Variants in FYB1 observed in about 807,000 individuals in gnomAD.
FYB1 encodes FYN binding protein 1.
Under a neutral mutation model 94.1 loss-of-function variants are expected in FYB1, and 41 were observed. The observed-to-expected ratio is 0.44, with a 90% CI of 0.34 to 0.57. FYB1 has a LOEUF of 0.57. FYB1 is among the 20% of genes least tolerant of loss of function. The probability of loss-of-function intolerance (pLI) is 0.02; values close to 1 mark genes in which losing one functional copy is unlikely to be tolerated. For missense variants in FYB1, 1,050 were observed against 976.8 expected, an observed-to-expected ratio of 1.07 and a Z score of -1.00; for synonymous variants, 367 against 353.2, an observed-to-expected ratio of 1.04 and a Z score of -0.44.
At chr5:39,161,211 C>T (rs1168251688) in intron 2 of FYB1, among the ~76,000 whole-genome samples, 3 of 152,194 alleles carry the variant, frequency 2.0e-5, no homozygotes, top group Admixed American at 6.5e-5. Flanking sequence ...TCAACACCTG[C>T]GTATGCCCTA....
Position 39,106,346 on chromosome 5 carries a change from T to C in FYB1, c.*1097A>G, listed in dbSNP as rs1334968453. ...CTTAATATCTTCTTTTCTTGGGTGTTAGCATTTTTCATTTTTTAAATCATG... is the reference window on the plus strand; with the variant it reads ...CTTAATATCTTCTTTTCTTGGGTGTCAGCATTTTTCATTTTTTAAATCATG... On this transcript the variant is annotated 3_prime_UTR_variant, in exon 19 of 19. Transcript: ENST00000512982. 2 of 152,160 alleles carry C rather than the reference T, an allele frequency of 1.3e-5. No individual in the cohort carries two copies. The highest frequency in any genetic ancestry group is 4.8e-5 in the African/African-American group (2 of 41,454). 9.4% of individuals were successfully genotyped at this position (152,160 alleles called of 1,614,324 possible).
At chr5:39,152,138 C>T (rs10035315) in intron 3 of FYB1, among the ~76,000 whole-genome samples, 149,068 of 152,302 alleles carry the variant, frequency 0.98, 73,016 homozygotes, top group Non-Finnish European at 1. Context: ...AGGCTTTAAA[C>T]TGACATCCAT....
chr5:39,172,385 G>T, intron 2 of FYB1, among the ~76,000 whole-genome samples: 1 of 152,090 alleles, frequency 6.6e-6, no homozygotes, highest in Non-Finnish European at 1.5e-5. Flanking sequence ...GGCAGAGGTT[G>T]CAGTGAGCCG....
intron 1 of FYB1, among the ~76,000 whole-genome samples, chr5:39,273,175 A>G (rs1752713403): frequency 6.6e-6 from 1 of 152,202 alleles, no homozygotes; most frequent in Non-Finnish European, 1.5e-5. Flanking sequence ...GGCCATGATG[A>G]CAATGGCGGT....
In FYB1 at chr5:39,153,350, A is replaced by G. The variant is rs527278289; in HGVS notation, c.1292+98T>C. Reference sequence around the variant, plus strand: ...GCCAGCTGCCCACTTTTGTAGACCCAGAAGTTTCCCATGGAACTCTCAGCA... The same window carrying G: ...GCCAGCTGCCCACTTTTGTAGACCCGGAAGTTTCCCATGGAACTCTCAGCA... On this transcript the variant is annotated intron_variant, in intron 3 of 18. Transcript: ENST00000512982. 8.2e-6 allele frequency: 12 copies of G among 1,472,144 alleles called. No homozygotes were observed. In the East Asian group the frequency reaches 2.3e-4, roughly 28 times the overall value. 91.2% of individuals were successfully genotyped at this position (1,472,144 alleles called of 1,614,324 possible).
Position 39,153,511 on chromosome 5 carries a change from T to C in FYB1, c.1229A>G (p.His410Arg). Reference sequence around the variant, plus strand: ...GCTTGGGACTGGTGGTTGTGATGGGTGAGATGCTGGCAATGGTGGTTGGCT... The same window carrying C: ...GCTTGGGACTGGTGGTTGTGATGGGCGAGATGCTGGCAATGGTGGTTGGCT... ...PASQPPLPAS[H>R]PSQPPVPSLP... Residue 410 changes from histidine to arginine, a missense_variant, in exon 3 of 19, where the codon CAC (histidine) becomes CGC (arginine). Physicochemically the swap from His to Arg is conservative, Grantham distance 29 (BLOSUM62 0). Coordinates refer to ENST00000512982, the MANE Select transcript of FYB1 (RefSeq NM_001465.6). 1 of 1,613,716 alleles carries C rather than the reference T, an allele frequency of 6.2e-7. No individual in the cohort carries two copies. The highest frequency in any genetic ancestry group is 8.5e-7 in the Non-Finnish European group (1 of 1,179,796).
At chr5:39,267,228 C>A (rs1752471272) in intron 1 of FYB1, among the ~76,000 whole-genome samples, 1 of 152,178 alleles carries the variant, frequency 6.6e-6, no homozygotes, top group Non-Finnish European at 1.5e-5. Context: ...TCTATGCATA[C>A]TTTGGAAACT....
At chr5:39,120,164 A>T (rs1420277447) in intron 14 of FYB1, among the ~76,000 whole-genome samples, 1 of 152,088 alleles carries the variant, frequency 6.6e-6, no homozygotes, top group Non-Finnish European at 1.5e-5. Context: ...TAGATATTAT[A>T]AGAAGGAGCT....
chr5:39,192,596 C>CA lies in FYB1; in HGVS notation c.1135+9229dup, dbSNP rs539838095. On this transcript the variant is annotated intron_variant, in intron 2 of 18. Transcript: ENST00000512982. ...GCAGGAAGAGTTCTTATAACAAGGG[C>CA]AAATCATGGCATATTGCCCTAAGCT... 1.7e-3 allele frequency among the ~76,000 whole-genome samples: 253 copies of CA among 152,068 alleles called. 2 individuals carry two copies. In the South Asian group the frequency reaches 0.023, roughly 14 times the overall value.
At chr5:39,134,391 TA>T in intron 8 of FYB1, 42 bp from the exon 9 acceptor site, 2 of 1,462,850 alleles carry the variant, frequency 1.4e-6, no homozygotes, top group Non-Finnish European at 9.3e-7. Flanking sequence ...AACTGTAGTT[TA>T]AATATTTTAA....
At position 39,107,315 on chromosome 5, in the gene FYB1, G is replaced by T; in HGVS notation, c.*128C>A. The T allele has an allele frequency of 1.8e-6, 1 of 544,880 alleles. No homozygotes were observed. The highest frequency in any genetic ancestry group is 3.1e-6 in the Non-Finnish European group (1 of 317,868). 33.8% of individuals were successfully genotyped at this position (544,880 alleles called of 1,614,324 possible). A position where few individuals can be genotyped will look rare whatever the true frequency, so the allele number is the denominator to read the frequency against. On this transcript the variant is annotated 3_prime_UTR_variant, in exon 19 of 19. Coordinates refer to ENST00000512982, the MANE Select transcript of FYB1 (RefSeq NM_001465.6). ...TTTAAACACTTTGTAAAGATAATTGGGATTTCATAACAAATGATAATAAGT... is the reference window on the plus strand; with the variant it reads ...TTTAAACACTTTGTAAAGATAATTGTGATTTCATAACAAATGATAATAAGT...
chr5:39,120,698 G>A (rs1346954188), intron 14 of FYB1, among the ~76,000 whole-genome samples: 1 of 152,032 alleles, frequency 6.6e-6, no homozygotes, highest in Non-Finnish European at 1.5e-5. Context: ...TTAAAAATTA[G>A]AATATATTAA....
chr5:39,112,965 G>C (rs1009638580), intron 16 of FYB1, among the ~76,000 whole-genome samples: 33 of 152,176 alleles, frequency 2.2e-4, no homozygotes, highest in African/African-American at 7.2e-4. Context: ...CTGCAAAAAT[G>C]ATGTGATAAC....
At chr5:39,204,304 T>C (rs1485385023) in intron 1 of FYB1, among the ~76,000 whole-genome samples, 1 of 152,120 alleles carries the variant, frequency 6.6e-6, no homozygotes, top group Non-Finnish European at 1.5e-5. Context: ...TTACAGTAGT[T>C]CTAAAAGAAT....
intron 1 of FYB1, chr5:39,270,750 G>A (rs1377805614): frequency 8.3e-6 from 4 of 484,524 alleles, no homozygotes; most frequent in Non-Finnish European, 1.4e-5. Context: ...AACCCTCAGA[G>A]CATTTGTATA....
At chr5:39,177,760 C>T (rs776938359) in intron 2 of FYB1, among the ~76,000 whole-genome samples, 2 of 152,092 alleles carry the variant, frequency 1.3e-5, no homozygotes, top group South Asian at 2.1e-4. Context: ...TGCATGTGTA[C>T]GTGTGTATGC....
intron 2 of FYB1, among the ~76,000 whole-genome samples, chr5:39,191,207 T>C (rs2150459777): frequency 6.6e-6 from 1 of 152,340 alleles, no homozygotes; most frequent in African/African-American, 2.4e-5. Flanking sequence ...CACAGGTTGC[T>C]TTTGAAAACC....
At chr5:39,230,665 C>T (rs1175859090) in intron 1 of FYB1, among the ~76,000 whole-genome samples, 3 of 151,972 alleles carry the variant, frequency 2.0e-5, no homozygotes, top group African/African-American at 7.3e-5. Context: ...TTAAAAAGTC[C>T]TATCACTGTG....
Position 39,268,908 on chromosome 5 carries a change from G to A in FYB1, c.-28+5495C>T, listed in dbSNP as rs151076911. 1.4e-3 allele frequency among the ~76,000 whole-genome samples: 216 copies of A among 152,112 alleles called. 1 individual carries two copies. In the South Asian group the frequency reaches 0.028, roughly 20 times the overall value. ...GAAAACAATAATCTTTAAAAACATCGTTACTCATATATTATACCAAATACA... is the reference window on the plus strand; with the variant it reads ...GAAAACAATAATCTTTAAAAACATCATTACTCATATATTATACCAAATACA... On this transcript the variant is annotated intron_variant, in intron 1 of 1. Transcript: ENST00000510188.
Sources: allele counts gnomAD v4.1 joint callset (sites outside exome capture counted in the v4.1 genomes callset), GRCh38; gene constraint gnomAD v4.1.1; transcripts MANE v1.5; gene names NCBI Gene and HGNC (gene_info 2026-07-23, HGNC 2026-07-21).